The following FRRS1 variants were observed in gnomAD, a reference collection of about 807,000 sequenced individuals.
FRRS1 encodes the protein ferric chelate reductase 1, also known as ferric reductase 1.
In FRRS1, 51 loss-of-function variants were observed where a neutral mutation model predicts 70.7. That is an observed-to-expected ratio of 0.72 (90% CI 0.58 to 0.91). The LOEUF is 0.91. Among genes scored for constraint, FRRS1 ranks in the 40% least tolerant of loss-of-function variants. FRRS1 has a pLI of 0.00. For synonymous variants in FRRS1, 225 were observed against 238.7 expected (o/e 0.94, Z 0.53); for missense variants, 672 against 726.0 (o/e 0.93, Z 0.86).
intron 8 of FRRS1, among the ~76,000 whole-genome samples, chr1:99,729,059 A>G (rs899689996): frequency 2.6e-5 from 4 of 152,222 alleles, no homozygotes; most frequent in African/African-American, 4.8e-5. Context: ...TCCCATGGGA[A>G]GGCTGTGCAC....
At chr1:99,714,337 C>T (rs1044464665) in intron 12 of FRRS1, among the ~76,000 whole-genome samples, 4 of 151,976 alleles carry the variant, frequency 2.6e-5, no homozygotes, top group African/African-American at 9.7e-5. Flanking sequence ...GCGTGCGCCA[C>T]CACGCCTGGC....
At chr1:99,756,057 T>C (rs1183334340) in intron 1 of FRRS1, among the ~76,000 whole-genome samples, 1 of 152,184 alleles carries the variant, frequency 6.6e-6, no homozygotes, top group Non-Finnish European at 1.5e-5. Context: ...ATCACATAAT[T>C]ATGACAGAAT....
rs115620753 is a variant in FRRS1, at chr1:99,761,877, A to G, written c.-106+4730T>C. On this transcript the variant is annotated intron_variant, in intron 1 of 16. Transcript: ENST00000646001. The stretch of plus-strand genomic sequence containing the variant: ...GTAATTTAGAGGTATGGAAGAAATA[A>G]TAGTAGAAGAGTTAACAATTACTAA... Among the ~76,000 whole-genome samples the G allele has an allele frequency of 2.9e-3, 442 of 152,350 alleles. 2 individuals are homozygous for G. Among genetic ancestry groups the G allele is most frequent in the African/African-American group, 0.01 (424 of 41,584 alleles).
At chr1:99,733,244 G>A (rs1010998678) in intron 7 of FRRS1, among the ~76,000 whole-genome samples, 10 of 152,164 alleles carry the variant, frequency 6.6e-5, no homozygotes, top group African/African-American at 2.2e-4. Context: ...GACTAATGGC[G>A]GGTTACTACA....
chr1:99,734,456 G>C (rs2100950524), intron 7 of FRRS1, among the ~76,000 whole-genome samples: 2 of 152,290 alleles, frequency 1.3e-5, no homozygotes, highest in East Asian at 3.9e-4. Context: ...AACTTAGGTA[G>C]ATAGAAATAG....
intron 1 of FRRS1, among the ~76,000 whole-genome samples, chr1:99,751,254 C>T (rs534725476): frequency 2.0e-5 from 3 of 152,128 alleles, no homozygotes; most frequent in Non-Finnish European, 4.4e-5. Flanking sequence ...ACAGGAGGTG[C>T]GCTATGGGTT....
chr1:99,720,834 AACACAC>A (rs57397996), intron 9 of FRRS1, among the ~76,000 whole-genome samples: 18,659 of 137,114 alleles, frequency 0.14, 1,616 homozygotes, highest in African/African-American at 0.23. Context: ...AGCATTTCCT[AACACAC>A]ACACACACAC....
At chr1:99,729,163 C>G (rs1201105994) in intron 8 of FRRS1, among the ~76,000 whole-genome samples, 2 of 152,124 alleles carry the variant, frequency 1.3e-5, no homozygotes, top group African/African-American at 4.8e-5. Flanking sequence ...ATTTGCTTGT[C>G]AACTGTCCTG....
rs947061314 is a variant in FRRS1 at position 99,707,825 on chromosome 1, C to T, written c.*1203G>A. 6.6e-6 allele frequency among the ~76,000 whole-genome samples: 1 copy of T among 152,184 alleles called. No homozygotes were observed. The highest frequency in any genetic ancestry group is 2.4e-5 in the African/African-American group (1 of 41,450). On this transcript the variant is annotated 3_prime_UTR_variant, in exon 17 of 17. Transcript: ENST00000646001. ...CTTGAAATAAGGAATATAACACTGA[C>T]TATTCTGATTCAGTAGAACATAAAA...
chr1:99,715,456 A>G, intron 12 of FRRS1, 130 bp downstream of exon 12: 1 of 616,854 alleles, frequency 1.6e-6, no homozygotes. Context: ...GAGCCATCCA[A>G]TGATTCAAAA....
At chr1:99,748,212 A>G (rs1656384249) in intron 3 of FRRS1, 1 of 166,414 alleles carries the variant, frequency 6.0e-6, no homozygotes, top group African/African-American at 2.4e-5. Flanking sequence ...TAATCAGCCT[A>G]CATTTTACCA....
In FRRS1 at chr1:99,719,881, C is replaced by G. The variant is rs1473270659; in HGVS notation, c.1007-234G>C. On this transcript the variant is annotated intron_variant, in intron 9 of 16. Coordinates refer to ENST00000646001, the MANE Select transcript of FRRS1 (RefSeq NM_001361041.2). ...CCAACCAAGAGATGAATTAAAATGA[C>G]AACTAGGAATGGAGAATGTATAGTA... Among the ~76,000 whole-genome samples, 6 of 151,764 alleles carry G rather than the reference C, an allele frequency of 4.0e-5. No individual in the cohort carries two copies. In the East Asian group the frequency reaches 1.2e-3, roughly 29 times the overall value.
chr1:99,704,172 T>C lies in FRRS1; in HGVS notation c.*4856A>G, dbSNP rs1369065835. Among the ~76,000 whole-genome samples, 2 of 152,214 alleles carry C rather than the reference T, an allele frequency of 1.3e-5. No individual in the cohort carries two copies. Among genetic ancestry groups the C allele is most frequent in the Non-Finnish European group, 2.9e-5 (2 of 68,040 alleles). On this transcript the variant is annotated 3_prime_UTR_variant, in exon 17 of 17. Transcript: ENST00000646001. ...GGATCCTCACAGCTGCTCTGTGAGA[T>C]GGGCTTTACAGATGAAAGAATAGAG...
intron 7 of FRRS1, among the ~76,000 whole-genome samples, chr1:99,736,512 C>T (rs1004772700): frequency 6.6e-6 from 1 of 151,104 alleles, no homozygotes; most frequent in East Asian, 1.9e-4. Flanking sequence ...AGCAAACTAT[C>T]GCAAGGACAA....
intron 1 of FRRS1, among the ~76,000 whole-genome samples, chr1:99,751,414 A>G (rs1313939381): frequency 6.6e-6 from 1 of 152,014 alleles, no homozygotes; most frequent in Non-Finnish European, 1.5e-5. Context: ...ATATAAATAA[A>G]ATCTTATTTT....
At chr1:99,729,554 G>A in intron 8 of FRRS1, 96 bp downstream of exon 8, 3 of 735,400 alleles carry the variant, frequency 4.1e-6, no homozygotes, top group Admixed American at 2.1e-5. Context: ...GAACTGTGGG[G>A]GTTGGAGGCA....
Position 99,712,413 on chromosome 1 carries a change from A to G in FRRS1, c.1421+5T>C, listed in dbSNP as rs187278122. ...AGAGCATTTATATAGAAAGGCTCTA[A>G]GTACCTTGGGTCATGTAAAGGTGGC... On this transcript the variant is annotated splice_donor_5th_base_variant and intron_variant, in intron 13 of 16. Coordinates refer to ENST00000646001, the MANE Select transcript of FRRS1 (RefSeq NM_001361041.2). 348 of 1,577,526 alleles carry G rather than the reference A, an allele frequency of 2.2e-4. 3 individuals are homozygous for G. In the East Asian group the frequency reaches 6.5e-3, roughly 30 times the overall value.
chr1:99,764,325 G>A (rs998566036), intron 1 of FRRS1, among the ~76,000 whole-genome samples: 1 of 152,140 alleles, frequency 6.6e-6, no homozygotes, highest in Admixed American at 6.5e-5. Context: ...CCTTAGGAAG[G>A]TATGTGTTTT....
Position 99,704,818 on chromosome 1 carries a change from T to C in FRRS1, c.*4210A>G, listed in dbSNP as rs374420120. Among the ~76,000 whole-genome samples, 3 of 151,910 alleles carry C rather than the reference T, an allele frequency of 2.0e-5. No homozygotes were observed. Among genetic ancestry groups the C allele is most frequent in the East Asian group, 3.9e-4 (2 of 5,134 alleles). ...GCGGAAGGAGGAACAGTTGGCGGAG[T>C]TTGGCCGGGGCAATCAGAGGAGAGC... On this transcript the variant is annotated 3_prime_UTR_variant, in exon 17 of 17. Coordinates refer to ENST00000646001, the MANE Select transcript of FRRS1 (RefSeq NM_001361041.2).
Sources: gnomAD v4.1 joint callset for allele counts (sites outside exome capture counted in the v4.1 genomes callset) on GRCh38, gnomAD v4.1.1 for gene constraint, MANE v1.5 for transcripts, NCBI Gene and HGNC (gene_info 2026-07-23, HGNC 2026-07-21) for gene names.